PCP4: variants seen among roughly 807,000 people sequenced by gnomAD.
PCP4 encodes Purkinje cell protein 4, also known as calmodulin regulator protein PCP4.
PCP4 carries 8 observed loss-of-function variants against 10.0 expected under a neutral mutation model. That is an observed-to-expected ratio of 0.80 (90% CI 0.47 to 1.45). The LOEUF is 1.45. Ranked by LOEUF, PCP4 falls within the 40% of genes most tolerant of loss-of-function variation. The probability of loss-of-function intolerance (pLI) is 0.00; values close to 1 mark genes in which losing one functional copy is unlikely to be tolerated. For missense variants in PCP4, 54 were observed against 74.4 expected, an observed-to-expected ratio of 0.73 and a Z score of 1.01; for synonymous variants, 21 against 23.0, an observed-to-expected ratio of 0.91 and a Z score of 0.24.
chr21:39,893,135 C>T (rs2087440989), intron 1 of PCP4, among the ~76,000 whole-genome samples: 1 of 152,204 alleles, frequency 6.6e-6, no homozygotes, highest in South Asian at 2.1e-4. Context: ...CCCATCCTCT[C>T]TCTTTCACTT....
chr21:39,872,927 C>G (rs1449490543), intron 1 of PCP4, among the ~76,000 whole-genome samples: 2 of 151,990 alleles, frequency 1.3e-5, no homozygotes, highest in Non-Finnish European at 2.9e-5. Flanking sequence ...GTTATATACG[C>G]AACATAAGTG....
intron 2 of PCP4, among the ~76,000 whole-genome samples, chr21:39,917,570 C>T (rs1455944496): frequency 6.6e-6 from 1 of 152,158 alleles, no homozygotes; most frequent in Non-Finnish European, 1.5e-5. Context: ...CTACTCCTTA[C>T]AAACTGTGTC....
At chr21:39,915,231 A>C (rs879263909) in intron 2 of PCP4, among the ~76,000 whole-genome samples, 38 of 14,144 alleles carry the variant, frequency 2.7e-3, no homozygotes, top group Non-Finnish European at 5.3e-3. Flanking sequence ...TATTTCTGCA[A>C]AAAAAAAAAA....
At chr21:39,926,184 C>G in intron 2 of PCP4, 1 of 366,838 alleles carries the variant, frequency 2.7e-6, no homozygotes, top group South Asian at 2.0e-5. Flanking sequence ...AGTAGCGATT[C>G]CTTAAATGTT....
intron 2 of PCP4, among the ~76,000 whole-genome samples, chr21:39,920,188 TTGTG>T (rs1342078933): frequency 7.1e-6 from 1 of 141,540 alleles, no homozygotes; most frequent in South Asian, 2.3e-4. Flanking sequence ...TGGTGTGTGT[TTGTG>T]TGTGATACGA....
intron 1 of PCP4, among the ~76,000 whole-genome samples, chr21:39,877,622 G>A (rs1402810992): frequency 6.6e-6 from 1 of 152,090 alleles, no homozygotes; most frequent in Non-Finnish European, 1.5e-5. Flanking sequence ...GTTTGAGCCT[G>A]GGAGGTGGAG....
At chr21:39,876,608 C>T (rs1309241136) in intron 1 of PCP4, among the ~76,000 whole-genome samples, 1 of 152,164 alleles carries the variant, frequency 6.6e-6, no homozygotes, top group East Asian at 1.9e-4. Context: ...GACAATCTCC[C>T]ATTGTGGGAC....
intron 2 of PCP4, among the ~76,000 whole-genome samples, chr21:39,918,210 C>A (rs2146348001): frequency 6.6e-6 from 1 of 152,140 alleles, no homozygotes; most frequent in Non-Finnish European, 1.5e-5. Flanking sequence ...ATGATTATAC[C>A]TTGTTTTTTT....
chr21:39,867,990 C>T (rs908730630), intron 1 of PCP4, among the ~76,000 whole-genome samples: 1 of 152,160 alleles, frequency 6.6e-6, no homozygotes, highest in African/African-American at 2.4e-5. Context: ...TGCAGTTAAT[C>T]AGAGCACCAG....
At chr21:39,927,307 T>TATC (rs1260506483) in intron 2 of PCP4, among the ~76,000 whole-genome samples, 1 of 119,288 alleles carries the variant, frequency 8.4e-6, no homozygotes, top group African/African-American at 2.9e-5. Context: ...TCTATCTATC[T>TATC]ATCTATCTAT....
intron 1 of PCP4, among the ~76,000 whole-genome samples, chr21:39,893,159 C>T (rs1034221600): frequency 7.2e-5 from 11 of 152,188 alleles, no homozygotes; most frequent in Admixed American, 3.3e-4. Flanking sequence ...GCACTGCCTT[C>T]TCTAATAAAA....
chr21:39,912,695 TTTTAA>T (rs1214150569), intron 2 of PCP4, among the ~76,000 whole-genome samples: 2 of 152,116 alleles, frequency 1.3e-5, no homozygotes, highest in Non-Finnish European at 2.9e-5. Flanking sequence ...AACGTTATTA[TTTTAA>T]TTTAATCTAT....
Position 39,871,591 on chromosome 21 carries a change from A to G in PCP4, c.9+4081A>G, listed in dbSNP as rs116374955. On this transcript the variant is annotated intron_variant, in intron 1 of 2. Coordinates refer to ENST00000328619, the MANE Select transcript of PCP4 (RefSeq NM_006198.3). ...AGATCAGTTTTAGTTTCGTTGGACA[A>G]CACCATGAAAGATACTCTTTCCTCT... Among the ~76,000 whole-genome samples, 381 of 152,358 alleles carry G rather than the reference A, an allele frequency of 2.5e-3. 1 individual carries two copies. The highest frequency in any genetic ancestry group is 8.7e-3 in the African/African-American group (363 of 41,588).
intron 2 of PCP4, among the ~76,000 whole-genome samples, chr21:39,907,221 C>T (rs1222504117): frequency 3.3e-5 from 5 of 152,012 alleles, no homozygotes; most frequent in Non-Finnish European, 7.4e-5. Flanking sequence ...TGTGTTCTCC[C>T]CTCCACATGA....
intron 1 of PCP4, among the ~76,000 whole-genome samples, chr21:39,871,432 G>A (rs1164871720): frequency 6.6e-6 from 1 of 152,194 alleles, no homozygotes; most frequent in African/African-American, 2.4e-5. Context: ...TTCTGAGGGT[G>A]ACTGCATAAA....
intron 1 of PCP4, among the ~76,000 whole-genome samples, chr21:39,872,023 G>A (rs981384576): frequency 6.6e-6 from 1 of 152,090 alleles, no homozygotes; most frequent in Non-Finnish European, 1.5e-5. Context: ...ATTTGAGATG[G>A]AGTCTCTCTC....
At chr21:39,897,598 G>T (rs1263320159) in intron 1 of PCP4, among the ~76,000 whole-genome samples, 1 of 152,064 alleles carries the variant, frequency 6.6e-6, no homozygotes, top group Non-Finnish European at 1.5e-5. Context: ...AGAGAATCTT[G>T]CCCAAAGTGT....
intron 2 of PCP4, 74 bp downstream of exon 2, chr21:39,898,601 C>T: frequency 5.4e-6 from 6 of 1,112,818 alleles, no homozygotes; most frequent in Non-Finnish European, 6.8e-6. Context: ...AGGTGCGGAT[C>T]ATACATCCCA....
chr21:39,927,982 A>G (rs1206966914), intron 2 of PCP4, among the ~76,000 whole-genome samples: 1 of 152,128 alleles, frequency 6.6e-6, no homozygotes, highest in African/African-American at 2.4e-5. Flanking sequence ...AAGAAAAACG[A>G]TGCCTTTGAT....
Sources: gnomAD v4.1 joint callset for allele counts (sites outside exome capture counted in the v4.1 genomes callset) on GRCh38, gnomAD v4.1.1 for gene constraint, MANE v1.5 for transcripts, NCBI Gene and HGNC (gene_info 2026-07-23, HGNC 2026-07-21) for gene names.